Variants in ABHD12B observed in about 807,000 individuals in gnomAD.
ABHD12B encodes the protein protein ABHD12B.
In ABHD12B, 42 loss-of-function variants were observed where a neutral mutation model predicts 50.4. That is an observed-to-expected ratio of 0.83 (90% CI 0.65 to 1.08). The LOEUF is 1.08. Ranked by LOEUF, ABHD12B falls within the 50% of genes least tolerant of loss-of-function variation. The pLI, the probability that ABHD12B is intolerant of heterozygous loss-of-function variation, is 0.00. For missense variants in ABHD12B, 479 were observed against 447.7 expected (o/e 1.07, Z -0.63); for synonymous variants, 167 against 160.3 (o/e 1.04, Z -0.32).
intron 5 of ABHD12B, among the ~76,000 whole-genome samples, chr14:50,884,153 C>G (rs2050001008): frequency 6.6e-6 from 1 of 152,228 alleles, no homozygotes; most frequent in Non-Finnish European, 1.5e-5. Context: ...TTTGCTTTAA[C>G]TAATATTGTT....
At position 50,904,213 on chromosome 14, in the gene ABHD12B, T is replaced by C. The variant is rs370598248; in HGVS notation, c.1061+21T>C. The C allele has an allele frequency of 2.5e-6, 4 of 1,613,544 alleles. No homozygotes were observed. In the African/African-American group the frequency reaches 5.3e-5, roughly 22 times the overall value. On this transcript the variant is annotated intron_variant, in intron 12 of 12. Transcript: ENST00000337334. ...GTGAGGTAAGAGTTGCTTTGCTAAA[T>C]GTATGTTGCCCTTCAAGGCAATTAG...
intron 9 of ABHD12B, among the ~76,000 whole-genome samples, chr14:50,901,290 A>G (rs757506680): frequency 3.2e-4 from 49 of 152,230 alleles, no homozygotes; most frequent in Non-Finnish European, 1.0e-4. Flanking sequence ...CAACAAATTT[A>G]GTATGTCTAG....
chr14:50,891,490 A>T (rs536399841), intron 9 of ABHD12B: 3 of 152,306 alleles, frequency 2.0e-5, no homozygotes, highest in East Asian at 1.9e-4. Flanking sequence ...TGATCCGCCC[A>T]CCTCGGTCTC....
At chr14:50,877,748 T>C (rs937922326) in intron 1 of ABHD12B, among the ~76,000 whole-genome samples, 1 of 151,926 alleles carries the variant, frequency 6.6e-6, no homozygotes, top group African/African-American at 2.4e-5. Context: ...GTGCCTGTAA[T>C]GCCAGCTACT....
chr14:50,893,552 A>G (rs1352267553), intron 9 of ABHD12B: 1 of 152,618 alleles, frequency 6.6e-6, no homozygotes, highest in Non-Finnish European at 1.5e-5. Context: ...AGGTGAAATA[A>G]ACAGCCATGT....
chr14:50,891,445 G>C (rs1238747282), intron 9 of ABHD12B: 1 of 152,156 alleles, frequency 6.6e-6, no homozygotes, highest in Non-Finnish European at 1.5e-5. Context: ...GGGTTTCACC[G>C]TGTTAGGCAG....
rs745764454 is a variant in ABHD12B at position 50,901,921 on chromosome 14, T to C, written c.863+10T>C. On this transcript the variant is annotated intron_variant, in intron 10 of 12. Coordinates refer to ENST00000337334, the MANE Select transcript of ABHD12B (RefSeq NM_001206673.2). ...TTCCTAATGATGAAAAGTAAGTTAA[T>C]GATGAAAAGACATGCATTATTACTG... 8 of 1,563,292 alleles carry C rather than the reference T, an allele frequency of 5.1e-6. No homozygotes were observed. The highest frequency in any genetic ancestry group is 1.7e-4 in the Middle Eastern group (1 of 5,896).
In ABHD12B at chr14:50,885,765, G is replaced by C. The variant is rs755648873; in HGVS notation, c.533-1G>C. 6.2e-7 allele frequency: 1 copy of C among 1,614,182 alleles called. No homozygotes were observed. The highest frequency in any genetic ancestry group is 1.7e-5 in the Admixed American group (1 of 60,026). Reference sequence around the variant, plus strand: ...CTGTGTTTGCCTTTTCTTGCTGCCAGGATTTGGGGACTCTACAGGTAAGCC... The same window carrying C: ...CTGTGTTTGCCTTTTCTTGCTGCCACGATTTGGGGACTCTACAGGTAAGCC... On this transcript the variant is annotated splice_acceptor_variant, in intron 6 of 12. Coordinates refer to ENST00000337334, the MANE Select transcript of ABHD12B (RefSeq NM_001206673.2). LOFTEE classifies it high-confidence loss of function.
intron 9 of ABHD12B, chr14:50,892,329 G>A (rs1157743499): frequency 2.4e-6 from 2 of 816,650 alleles, no homozygotes; most frequent in Non-Finnish European, 3.0e-6. Context: ...AAATCCAAAA[G>A]GGAATGAGGG....
chr14:50,898,466 G>T (rs541501708), intron 9 of ABHD12B, among the ~76,000 whole-genome samples: 1 of 152,146 alleles, frequency 6.6e-6, no homozygotes, highest in East Asian at 1.9e-4. Flanking sequence ...GTATTTTAAG[G>T]ATGTTTATCT....
chr14:50,899,000 C>G (rs1218702552), intron 9 of ABHD12B, among the ~76,000 whole-genome samples: 2 of 152,316 alleles, frequency 1.3e-5, no homozygotes, highest in Admixed American at 6.5e-5. Context: ...CAAGACCAGC[C>G]TGGCCAACAT....
At chr14:50,904,305 A>T in intron 12 of ABHD12B, 34 bp from the exon 13 acceptor site, 1 of 1,614,118 alleles carries the variant, frequency 6.2e-7, no homozygotes, top group Non-Finnish European at 8.5e-7. Context: ...AGGTAGGGAA[A>T]GGGTGTGAGC....
In ABHD12B at chr14:50,878,702, TG is replaced by T. The variant is rs1398998947; in HGVS notation, c.233-41del. ...TTTCTTTGATTGTGATTAAAAGGCA[TG>T]GAATTTGATTCTTGAAGTTGATAAT... is the stretch of plus-strand genomic sequence containing the variant. On this transcript the variant is annotated intron_variant, in intron 2 of 12. Coordinates refer to ENST00000337334, the MANE Select transcript of ABHD12B (RefSeq NM_001206673.2). 2.6e-6 allele frequency: 4 copies of T among 1,512,076 alleles called. No individual in the cohort carries two copies. The African/African-American group carries it at 4.1e-5, about 16-fold the overall frequency. The allele number at this position is 1,512,076 out of a possible 1,614,324, so 93.7% of individuals were successfully genotyped here. A position where few individuals can be genotyped will look rare whatever the true frequency, so the allele number is the denominator to read the frequency against.
rs2142740526 is a variant in ABHD12B at position 50,885,547 on chromosome 14, T to C, written c.487-67T>C. On this transcript the variant is annotated intron_variant, in intron 5 of 12. Transcript: ENST00000337334. ...CCTTGTGATGTGATATGGATGGATA[T>C]AGGGAGGAGAAGCCTTTTCTGTTTT... 6 of 1,572,682 alleles carry C rather than the reference T, an allele frequency of 3.8e-6. No individual in the cohort carries two copies. The East Asian group carries it at 6.7e-5, about 18-fold the overall frequency.
chr14:50,881,817 G>A (rs561217093), intron 5 of ABHD12B, among the ~76,000 whole-genome samples, 191 bp downstream of exon 5: 80 of 152,230 alleles, frequency 5.3e-4, no homozygotes, highest in Non-Finnish European at 1.0e-3. Flanking sequence ...ACAGAACCGA[G>A]CTTCTCTAGG....
intron 1 of ABHD12B, among the ~76,000 whole-genome samples, chr14:50,875,069 T>C (rs946448115): frequency 3.3e-5 from 5 of 152,226 alleles, no homozygotes; most frequent in African/African-American, 9.6e-5. Context: ...TTCTATGCCA[T>C]GTTGTTCTTG....
chr14:50,890,436 C>A (rs2050102198), intron 9 of ABHD12B, among the ~76,000 whole-genome samples: 1 of 152,052 alleles, frequency 6.6e-6, no homozygotes, highest in Non-Finnish European at 1.5e-5. Context: ...AATCCTTAGT[C>A]CTTAGATGGA....
At chr14:50,880,679 A>AC in intron 4 of ABHD12B, 108 bp downstream of exon 4, 9 of 1,246,142 alleles carry the variant, frequency 7.2e-6, no homozygotes, top group Non-Finnish European at 8.4e-6. Flanking sequence ...GCATGCCTTC[A>AC]CATATTTCTT....
chr14:50,872,203 C>T lies in ABHD12B; in HGVS notation c.29C>T (p.Ala10Val). The T allele has an allele frequency of 7.3e-7, 1 of 1,372,430 alleles. No homozygotes were observed. The allele number at this position is 1,372,430 out of a possible 1,614,324, so 85.0% of individuals were successfully genotyped here. A position where few individuals can be genotyped will look rare whatever the true frequency, so the allele number is the denominator to read the frequency against. Residue 10 changes from alanine (A) to valine (V), a missense_variant, in exon 1 of 13, where the codon GCA becomes GTA. Transcript: ENST00000337334. Reference sequence around the variant, plus strand: ...GACGCGCAGGACTGCCAGGCGGCCGCATCGCCCGAGCCGCCCGGGCCCCCA... The same window carrying T: ...GACGCGCAGGACTGCCAGGCGGCCGTATCGCCCGAGCCGCCCGGGCCCCCA... MDAQDCQAA[A>V]SPEPPGPPAR... is the part of the protein sequence containing the mutation.
Sources: gnomAD v4.1 joint callset for allele counts (sites outside exome capture counted in the v4.1 genomes callset) on GRCh38, gnomAD v4.1.1 for gene constraint, MANE v1.5 for transcripts, NCBI Gene and HGNC (gene_info 2026-07-23, HGNC 2026-07-21) for gene names.